The following PPP2R2B variants were observed in gnomAD, a reference collection of about 807,000 sequenced individuals.
The protein encoded by PPP2R2B is protein phosphatase 2 regulatory subunit Bbeta.
PPP2R2B carries 5 observed loss-of-function variants against 46.0 expected under a neutral mutation model. The observed-to-expected ratio is 0.11, with a 90% CI of 0.06 to 0.23. PPP2R2B has a LOEUF of 0.23. PPP2R2B is among the 10% of genes least tolerant of loss of function. The pLI is 1.00. For synonymous variants in PPP2R2B, 215 were observed against 206.7 expected (o/e 1.04, Z -0.34); for missense variants, 367 against 575.0 (o/e 0.64, Z 3.70).
chr5:146,791,400 A>ATGTGTGTGTGGTGTGTGCACG (rs1756195780), intron 2 of PPP2R2B, among the ~76,000 whole-genome samples: 1 of 151,694 alleles, frequency 6.6e-6, no homozygotes. Flanking sequence ...TGCTGTGTGT[A>ATGTGTGTGTGGTGTGTGCACG]TGTGTGTGTG....
intron 1 of PPP2R2B, among the ~76,000 whole-genome samples, chr5:146,902,608 C>T (rs1379562671): frequency 6.6e-6 from 1 of 152,162 alleles, no homozygotes. Context: ...AACTGGTTGC[C>T]TTTTCTCTGT....
At chr5:146,607,316 A>G (rs981181804) in intron 7 of PPP2R2B, 1 of 152,220 alleles carries the variant, frequency 6.6e-6, no homozygotes, top group Non-Finnish European at 1.5e-5. Flanking sequence ...CTGTGCTACC[A>G]GGGGCCTAAT....
chr5:146,915,396 C>T (rs1763346150), intron 1 of PPP2R2B, among the ~76,000 whole-genome samples: 2 of 151,908 alleles, frequency 1.3e-5, no homozygotes, highest in Admixed American at 1.3e-4. Context: ...CTCATTCATA[C>T]ATCATCTTCC....
At chr5:146,767,821 A>G (rs374598987) in intron 2 of PPP2R2B, among the ~76,000 whole-genome samples, 11 of 152,272 alleles carry the variant, frequency 7.2e-5, no homozygotes, top group South Asian at 4.1e-4. Flanking sequence ...GTAGCATGAC[A>G]CGTATCTACC....
chr5:146,720,903 C>T (rs1273396365), intron 2 of PPP2R2B, among the ~76,000 whole-genome samples: 1 of 152,102 alleles, frequency 6.6e-6, no homozygotes, highest in African/African-American at 2.4e-5. Context: ...AGTGCATAGC[C>T]ACTTGCAAAT....
intron 1 of PPP2R2B, among the ~76,000 whole-genome samples, chr5:147,038,026 A>G (rs1371400115): frequency 6.6e-6 from 1 of 152,196 alleles, no homozygotes; most frequent in Non-Finnish European, 1.5e-5. Context: ...CTCCTGGGTC[A>G]CGGAGAAGCT....
chr5:146,677,296 AAAT>A (rs1196403630), intron 5 of PPP2R2B, among the ~76,000 whole-genome samples: 1 of 152,194 alleles, frequency 6.6e-6, no homozygotes, highest in East Asian at 1.9e-4. Flanking sequence ...CACTCCCTGA[AAAT>A]AATGAGAGGA....
chr5:146,604,253 G>A (rs1772055303), intron 7 of PPP2R2B, among the ~76,000 whole-genome samples: 1 of 152,206 alleles, frequency 6.6e-6, no homozygotes, highest in Non-Finnish European at 1.5e-5. Context: ...GAACACCAGT[G>A]TGTGTTCCAT....
intron 2 of PPP2R2B, among the ~76,000 whole-genome samples, chr5:146,807,933 G>A (rs1757291635): frequency 6.6e-6 from 1 of 151,476 alleles, no homozygotes; most frequent in Non-Finnish European, 1.5e-5. Context: ...CCAAGTAGGT[G>A]AGATTACATG....
chr5:147,021,882 T>A (rs763187633), intron 1 of PPP2R2B, among the ~76,000 whole-genome samples: 3 of 152,210 alleles, frequency 2.0e-5, no homozygotes, highest in Non-Finnish European at 4.4e-5. Flanking sequence ...GGATGATGGA[T>A]GATATCTTTA....
chr5:146,776,431 A>G (rs886660668), intron 2 of PPP2R2B, among the ~76,000 whole-genome samples: 2 of 152,204 alleles, frequency 1.3e-5, no homozygotes, highest in South Asian at 2.1e-4. Context: ...TGGTGCTAGG[A>G]AAAAACCAGA....
chr5:146,823,079 T>C (rs1354228426), intron 2 of PPP2R2B, among the ~76,000 whole-genome samples: 2 of 152,222 alleles, frequency 1.3e-5, no homozygotes, highest in Non-Finnish European at 2.9e-5. Flanking sequence ...AGGTTACACA[T>C]GCTTCTTCTC....
In PPP2R2B at chr5:146,590,029, T is replaced by C. The variant is rs1770443493; in HGVS notation, c.1250A>G (p.His417Arg). The C allele has an allele frequency of 1.2e-6, 2 of 1,614,230 alleles. No homozygotes were observed. The highest frequency in any genetic ancestry group is 1.7e-6 in the Non-Finnish European group (2 of 1,180,038). Residue 417 changes from histidine (H) to arginine (R), a missense_variant, in exon 10 of 10, where the codon CAT becomes CGT. Physicochemically the swap from His to Arg is conservative, Grantham distance 29. This residue lies in a region of PPP2R2B where 361 missense variants were observed against 545.5 expected (regional missense o/e 0.66). Coordinates refer to ENST00000394411, the MANE Select transcript of PPP2R2B (RefSeq NM_181675.4). ...ATTTTCTGAAGGATGCCAAGCTGTATGCAAGATCTTTTTGCTAAAGTCCAG... is the reference window on the plus strand; with the variant it reads ...ATTTTCTGAAGGATGCCAAGCTGTACGCAAGATCTTTTTGCTAAAGTCCAG... ...DSLDFSKKILHTAWHPSENII... is the reference protein window; with the variant it reads ...DSLDFSKKILRTAWHPSENII...
chr5:147,075,536 T>C (rs368400270), intron 2 of PPP2R2B, among the ~76,000 whole-genome samples: 2 of 152,150 alleles, frequency 1.3e-5, no homozygotes, highest in Non-Finnish European at 2.9e-5. Flanking sequence ...TATATATACA[T>C]ACAACTTCCT....
intron 6 of PPP2R2B, among the ~76,000 whole-genome samples, chr5:146,641,236 T>C (rs1402991514): frequency 6.6e-6 from 1 of 152,194 alleles, no homozygotes; most frequent in Non-Finnish European, 1.5e-5. Flanking sequence ...CTCAAGGTTA[T>C]GTGACACAGT....
At chr5:146,636,335 T>G (rs1440977842) in intron 7 of PPP2R2B, among the ~76,000 whole-genome samples, 1 of 152,232 alleles carries the variant, frequency 6.6e-6, no homozygotes, top group Non-Finnish European at 1.5e-5. Context: ...AACACCAGTT[T>G]TGTTTAAAAT....
intron 1 of PPP2R2B, among the ~76,000 whole-genome samples, chr5:147,009,508 CAGTTTTAAAAATAATAAGACGAAGG>C (rs1754611809): frequency 6.6e-6 from 1 of 151,976 alleles, no homozygotes; most frequent in African/African-American, 2.4e-5. Context: ...ATGTTGTATA[CAGTTTTAAAAATAATAAGACGAAGG>C]ATGAGGTGGA....
chr5:146,793,577 A>G (rs1756345685), intron 2 of PPP2R2B, among the ~76,000 whole-genome samples: 1 of 152,310 alleles, frequency 6.6e-6, no homozygotes, highest in East Asian at 1.9e-4. Flanking sequence ...GGATATTAAG[A>G]TCACACAACA....
Position 146,878,405 on chromosome 5 carries a change from G to A in PPP2R2B, c.-125+186C>T. The A allele has an allele frequency of 1.0e-6, 1 of 988,370 alleles. No individual in the cohort carries two copies. Among genetic ancestry groups the A allele is most frequent in the Non-Finnish European group, 1.4e-6 (1 of 713,252 alleles). 61.2% of individuals were successfully genotyped at this position (988,370 alleles called of 1,614,324 possible). A position where few individuals can be genotyped will look rare whatever the true frequency, so the allele number is the denominator to read the frequency against. On this transcript the variant is annotated intron_variant, in intron 1 of 9. Transcript: ENST00000394411. The surrounding 1 kb of genome is among the most constrained non-coding windows in gnomAD (Gnocchi z 4.5). ...TGCCCCGAGGGGTCTGGTCCCGCCC[G>A]CCCGCCCCGGAGGCGCTCACAAGCG...
Sources: gnomAD v4.1 joint callset for allele counts (sites outside exome capture counted in the v4.1 genomes callset) on GRCh38, gnomAD v4.1.1 for gene constraint, gnomAD v4.1.1 regional missense constraint, Gnocchi (gnomAD v3.1) non-coding constraint, MANE v1.5 for transcripts, NCBI Gene and HGNC (gene_info 2026-07-23, HGNC 2026-07-21) for gene names.